Variants in SRBD1 observed in about 807,000 individuals in gnomAD.
The protein encoded by SRBD1 is S1 RNA-binding domain-containing protein 1.
Under a neutral mutation model 115.3 loss-of-function variants are expected in SRBD1, and 88 were observed. That is an observed-to-expected ratio of 0.76 (90% CI 0.64 to 0.91). SRBD1 has a LOEUF of 0.91. Ranked by LOEUF, SRBD1 falls within the 40% of genes least tolerant of loss-of-function variation. SRBD1 has a pLI of 0.00. For missense variants in SRBD1, 1,385 were observed against 1,177.4 expected (o/e 1.18, Z -2.58); for synonymous variants, 509 against 407.7 (o/e 1.25, Z -2.99).
chr2:45,439,289 G>A (rs1006972499), intron 16 of SRBD1, among the ~76,000 whole-genome samples: 5 of 151,788 alleles, frequency 3.3e-5, no homozygotes, highest in Admixed American at 6.6e-5. Context: ...ATAAAATTGT[G>A]CGTGTTTATT....
At chr2:45,506,368 C>G (rs1038902975) in intron 14 of SRBD1, among the ~76,000 whole-genome samples, 1 of 152,132 alleles carries the variant, frequency 6.6e-6, no homozygotes, top group African/African-American at 2.4e-5. Context: ...AAGCAGGAGC[C>G]AGGACTTTAC....
rs1448859978 is a variant in SRBD1 at position 45,413,895 on chromosome 2, G to A, written c.2334-602C>T. ...TGCAGTGAGCTGAGATCCTGCCACT[G>A]CACTCCAGTTTGGGCAACAGAGGGA... On this transcript the variant is annotated intron_variant, in intron 18 of 20. Transcript: ENST00000263736. Among the ~76,000 whole-genome samples the A allele has an allele frequency of 2.6e-5, 4 of 151,928 alleles. No homozygotes were observed. The East Asian group carries it at 7.7e-4, about 29-fold the overall frequency.
At chr2:45,427,379 C>A (rs1183323691) in intron 16 of SRBD1, among the ~76,000 whole-genome samples, 1 of 151,266 alleles carries the variant, frequency 6.6e-6, no homozygotes, top group Non-Finnish European at 1.5e-5. Flanking sequence ...TTCAGGAGAC[C>A]CATACCATGT....
At chr2:45,491,798 T>C (rs1350540263) in intron 14 of SRBD1, among the ~76,000 whole-genome samples, 3 of 152,154 alleles carry the variant, frequency 2.0e-5, no homozygotes, top group African/African-American at 2.4e-5. Flanking sequence ...AAAAACCCTA[T>C]TGAGTTAAAA....
intron 16 of SRBD1, among the ~76,000 whole-genome samples, chr2:45,453,077 A>C (rs1053616953): frequency 6.6e-6 from 1 of 151,878 alleles, no homozygotes; most frequent in Non-Finnish European, 1.5e-5. Context: ...GCAATTTGTG[A>C]AAGAATTCTA....
At chr2:45,480,309 G>A (rs961535878) in intron 15 of SRBD1, among the ~76,000 whole-genome samples, 3 of 152,080 alleles carry the variant, frequency 2.0e-5, no homozygotes, top group South Asian at 4.1e-4. Context: ...CTGAGGATCT[G>A]GGCAAAGTAC....
chr2:45,513,460 G>A (rs926138238), intron 14 of SRBD1, among the ~76,000 whole-genome samples: 4 of 150,092 alleles, frequency 2.7e-5, no homozygotes, highest in African/African-American at 7.3e-5. Flanking sequence ...AAAATACTTC[G>A]TTTCAGCCTA....
At chr2:45,565,281 T>C (rs1412904377) in intron 9 of SRBD1, among the ~76,000 whole-genome samples, 1 of 152,176 alleles carries the variant, frequency 6.6e-6, no homozygotes, top group South Asian at 2.1e-4. Flanking sequence ...GGCATAAGGA[T>C]AGACATACAA....
intron 15 of SRBD1, among the ~76,000 whole-genome samples, chr2:45,480,570 C>A (rs1669931218): frequency 6.6e-6 from 1 of 152,132 alleles, no homozygotes; most frequent in Admixed American, 6.6e-5. Flanking sequence ...CATGATCAAA[C>A]TTGACATAAT....
chr2:45,436,540 T>A (rs550309887), intron 16 of SRBD1, among the ~76,000 whole-genome samples: 17 of 152,298 alleles, frequency 1.1e-4, no homozygotes, highest in Admixed American at 1.1e-3. Flanking sequence ...TCCACATGGC[T>A]GGGGAGGCCT....
intron 2 of SRBD1, among the ~76,000 whole-genome samples, chr2:45,602,823 T>A (rs887059487): frequency 6.6e-6 from 1 of 151,992 alleles, no homozygotes; most frequent in Non-Finnish European, 1.5e-5. Context: ...CTGAGATGAG[T>A]GAATAGGGAA....
At chr2:45,574,298 C>G (rs1357416547) in intron 8 of SRBD1, among the ~76,000 whole-genome samples, 2 of 152,118 alleles carry the variant, frequency 1.3e-5, no homozygotes, top group Non-Finnish European at 2.9e-5. Flanking sequence ...GTTTAAAAAG[C>G]AATGCCACTC....
chr2:45,490,610 A>C (rs1369211430), intron 14 of SRBD1, among the ~76,000 whole-genome samples: 1 of 152,160 alleles, frequency 6.6e-6, no homozygotes, highest in East Asian at 1.9e-4. Flanking sequence ...GAAGCCTCCA[A>C]AGTTACAACT....
intron 14 of SRBD1, among the ~76,000 whole-genome samples, chr2:45,533,934 T>A (rs1255557246): frequency 6.6e-6 from 1 of 151,950 alleles, no homozygotes; most frequent in African/African-American, 2.4e-5. Flanking sequence ...TAACCAAAAA[T>A]CTTAAAACAA....
intron 9 of SRBD1, among the ~76,000 whole-genome samples, chr2:45,569,976 T>G (rs1397178942): frequency 6.6e-6 from 1 of 152,252 alleles, no homozygotes; most frequent in African/African-American, 2.4e-5. Flanking sequence ...AGACATTCAC[T>G]AGAGCAGAAG....
intron 16 of SRBD1, among the ~76,000 whole-genome samples, chr2:45,458,780 T>C (rs1669226193): frequency 6.6e-6 from 1 of 152,182 alleles, no homozygotes; most frequent in Non-Finnish European, 1.5e-5. Context: ...CCCTTAAGTC[T>C]GAAATGAATT....
intron 16 of SRBD1, among the ~76,000 whole-genome samples, chr2:45,427,018 G>A (rs1668174946): frequency 6.6e-6 from 1 of 152,192 alleles, no homozygotes; most frequent in African/African-American, 2.4e-5. Context: ...ATTGACAGAA[G>A]TAGGCTTCAG....
At chr2:45,483,968 T>G (rs1670041405) in intron 15 of SRBD1, among the ~76,000 whole-genome samples, 1 of 152,142 alleles carries the variant, frequency 6.6e-6, no homozygotes, top group Non-Finnish European at 1.5e-5. Flanking sequence ...GTATAAACTT[T>G]TCAAAATTCA....
chr2:45,469,035 G>C (rs1002181913), intron 16 of SRBD1, among the ~76,000 whole-genome samples: 1 of 152,006 alleles, frequency 6.6e-6, no homozygotes, highest in African/African-American at 2.4e-5. Flanking sequence ...CCTGTTCATA[G>C]CCTTTGCCTG....
Sources: gnomAD v4.1 joint callset for allele counts (sites outside exome capture counted in the v4.1 genomes callset) on GRCh38, gnomAD v4.1.1 for gene constraint, MANE v1.5 for transcripts, NCBI Gene and HGNC (gene_info 2026-07-23, HGNC 2026-07-21) for gene names.